Variants in CSDC2 observed in about 807,000 individuals in gnomAD.
CSDC2 encodes the protein cold shock domain-containing protein C2.
Under a neutral mutation model 15.8 loss-of-function variants are expected in CSDC2, and 8 were observed. The ratio of observed to expected loss-of-function variants is 0.51; its 90% CI spans 0.30 to 0.92. The LOEUF (loss-of-function observed/expected upper bound fraction) is 0.92. Ranked by LOEUF, CSDC2 falls within the 40% of genes least tolerant of loss-of-function variation. The pLI, the probability that CSDC2 is intolerant of heterozygous loss-of-function variation, is 0.07. For missense variants in CSDC2, 195 were observed against 213.3 expected (o/e 0.91, Z 0.53); for synonymous variants, 96 against 92.3 (o/e 1.04, Z -0.23).
At chr22:41,574,248 T>C (rs929562226) in intron 3 of CSDC2, among the ~76,000 whole-genome samples, 3 of 151,730 alleles carry the variant, frequency 2.0e-5, no homozygotes, top group Non-Finnish European at 4.4e-5. Flanking sequence ...AGGTACAGTT[T>C]ATGAGTCCCA....
intron 1 of CSDC2, among the ~76,000 whole-genome samples, chr22:41,561,775 C>G (rs1037259739): frequency 6.6e-6 from 1 of 152,206 alleles, no homozygotes; most frequent in African/African-American, 2.4e-5. Flanking sequence ...ACCCCGAGCC[C>G]TTGCTTCTTG....
Position 41,574,928 on chromosome 22 carries a change from T to C in CSDC2, c.*33T>C, listed in dbSNP as rs1000235345. 10 of 1,555,056 alleles carry C rather than the reference T, an allele frequency of 6.4e-6. No homozygotes were observed. The highest frequency in any genetic ancestry group is 1.2e-5 in the South Asian group (1 of 85,234). On this transcript the variant is annotated 3_prime_UTR_variant, in exon 4 of 4. Coordinates refer to ENST00000306149, the MANE Select transcript of CSDC2 (RefSeq NM_014460.4). ...GGTTCACAGGCCAGCTGGCCGGGGG[T>C]TGGGGAGCCACACAGGGTGAACGGG...
In CSDC2 at chr22:41,565,449, CAAAAAAAA is replaced by C. The variant is rs34460484; in HGVS notation, c.-124+4280_-124+4287del. Among the ~76,000 whole-genome samples, 8 of 57,486 alleles carry C rather than the reference CAAAAAAAA, an allele frequency of 1.4e-4. No individual in the cohort carries two copies. In the East Asian group the frequency reaches 4.6e-3, roughly 33 times the overall value. 37.7% of individuals were successfully genotyped at this position (57,486 alleles called of 152,430 possible). A position where few individuals can be genotyped will look rare whatever the true frequency, so the allele number is the denominator to read the frequency against. ...TGGGTGACGGAGTAAGATTCCATCTCAAAAAAAAAAAAAAAAAAAAAGAGGACTATGGC... is the reference window on the plus strand; with the variant it reads ...TGGGTGACGGAGTAAGATTCCATCTCAAAAAAAAAAAAAGAGGACTATGGC... On this transcript the variant is annotated intron_variant, in intron 1 of 3. Coordinates refer to ENST00000306149, the MANE Select transcript of CSDC2 (RefSeq NM_014460.4).
chr22:41,574,561 A>C (rs572948082), intron 3 of CSDC2, among the ~76,000 whole-genome samples, 172 bp from the exon 4 acceptor site: 1 of 152,320 alleles, frequency 6.6e-6, no homozygotes, highest in Non-Finnish European at 1.5e-5. Flanking sequence ...CACTGTGCCC[A>C]GCCATGAGTC....
chr22:41,564,095 A>C (rs2067101406), intron 1 of CSDC2, among the ~76,000 whole-genome samples: 1 of 149,888 alleles, frequency 6.7e-6, no homozygotes, highest in Non-Finnish European at 1.5e-5. Context: ...ATTAAAAAAA[A>C]AAAAAAAGAA....
At chr22:41,566,795 C>T (rs987774754) in intron 1 of CSDC2, among the ~76,000 whole-genome samples, 7 of 151,576 alleles carry the variant, frequency 4.6e-5, no homozygotes, top group East Asian at 1.9e-4. Context: ...TGCGTGGTGG[C>T]AGGCGCCTGT....
intron 1 of CSDC2, among the ~76,000 whole-genome samples, chr22:41,566,559 A>G (rs1289040258): frequency 6.9e-6 from 1 of 144,644 alleles, no homozygotes; most frequent in Non-Finnish European, 1.5e-5. Flanking sequence ...TGAACCTGGG[A>G]GGCAGAGGTT....
Position 41,566,453 on chromosome 22 carries a change from A to C in CSDC2, c.-124+5270A>C, listed in dbSNP as rs549202379. Among the ~76,000 whole-genome samples, 83 of 145,278 alleles carry C rather than the reference A, an allele frequency of 5.7e-4. 2 individuals are homozygous for C. The East Asian group carries it at 0.016, about 28-fold the overall frequency. On this transcript the variant is annotated intron_variant, in intron 1 of 3. Coordinates refer to ENST00000306149, the MANE Select transcript of CSDC2 (RefSeq NM_014460.4). ...GCAAGACTCCATCTAAAAAAAAAAA[A>C]AAAAAAAAAAAAAACACACAAAAAT...
Position 41,576,018 on chromosome 22 carries a change from G to A in CSDC2, c.*1123G>A, listed in dbSNP as rs1167997656. 2 of 152,410 alleles carry A rather than the reference G, an allele frequency of 1.3e-5. No individual in the cohort carries two copies. Among genetic ancestry groups the A allele is most frequent in the East Asian group, 3.9e-4 (2 of 5,174 alleles). The allele number at this position is 152,410 out of a possible 1,614,324, so 9.4% of individuals were successfully genotyped here. A position where few individuals can be genotyped will look rare whatever the true frequency, so the allele number is the denominator to read the frequency against. On this transcript the variant is annotated 3_prime_UTR_variant, in exon 4 of 4. Coordinates refer to ENST00000306149, the MANE Select transcript of CSDC2 (RefSeq NM_014460.4). ...GCCTGGCCCAGGAGGCCAGGAAGGA[G>A]GGCCCTGTCTGCCTCCACCTCTGGG...
intron 1 of CSDC2, among the ~76,000 whole-genome samples, chr22:41,566,305 G>C (rs552929711): frequency 1.9e-3 from 290 of 151,974 alleles, no homozygotes; most frequent in African/African-American, 6.8e-3. Context: ...TTAGCTGGGC[G>C]TGGTGGCACA....
Position 41,573,606 on chromosome 22 carries a change from G to A in CSDC2, c.177-49G>A, listed in dbSNP as rs1172900432. 10 of 1,576,760 alleles carry A rather than the reference G, an allele frequency of 6.3e-6. No homozygotes were observed. The South Asian group carries it at 1.1e-4, about 18-fold the overall frequency. On this transcript the variant is annotated intron_variant, in intron 2 of 3. Transcript: ENST00000306149. Reference sequence around the variant, plus strand: ...GGCCCAGAATGGCTGTAGGGATCCGGGGAGGAGTTCCTCAGGCCACAGCTC... The same window carrying A: ...GGCCCAGAATGGCTGTAGGGATCCGAGGAGGAGTTCCTCAGGCCACAGCTC...
chr22:41,566,992 G>C (rs917112469), intron 1 of CSDC2, among the ~76,000 whole-genome samples: 1 of 151,930 alleles, frequency 6.6e-6, no homozygotes, highest in South Asian at 2.1e-4. Context: ...TTAAACTCAG[G>C]CAGTCTGGGT....
chr22:41,564,639 T>G (rs2067104580), intron 1 of CSDC2, among the ~76,000 whole-genome samples: 1 of 152,188 alleles, frequency 6.6e-6, no homozygotes, highest in African/African-American at 2.4e-5. Flanking sequence ...GCCCCACGTT[T>G]GTTGTTCTGG....
At chr22:41,566,441 TAAAAAA>T (rs754976750) in intron 1 of CSDC2, among the ~76,000 whole-genome samples, 4 of 45,804 alleles carry the variant, frequency 8.7e-5, no homozygotes, top group African/African-American at 4.0e-4. Context: ...AGACTCCATC[TAAAAAA>T]AAAAAAAAAA....
intron 2 of CSDC2, 129 bp downstream of exon 2, chr22:41,572,270 G>A: frequency 1.4e-6 from 1 of 713,724 alleles, no homozygotes; most frequent in Non-Finnish European, 2.0e-6. Context: ...CCAGTAACTG[G>A]ATGGATGTTT....
chr22:41,563,617 C>A (rs1455851778), intron 1 of CSDC2, among the ~76,000 whole-genome samples: 2 of 152,194 alleles, frequency 1.3e-5, no homozygotes, highest in East Asian at 3.9e-4. Context: ...AATTCCACAC[C>A]CGACTCCTCC....
chr22:41,564,588 T>C (rs1325575232), intron 1 of CSDC2, among the ~76,000 whole-genome samples: 1 of 152,202 alleles, frequency 6.6e-6, no homozygotes, highest in Non-Finnish European at 1.5e-5. Context: ...AATCTGTTTC[T>C]GTTCCCCCCG....
At chr22:41,572,734 G>A (rs1665723771) in intron 2 of CSDC2, among the ~76,000 whole-genome samples, 1 of 152,180 alleles carries the variant, frequency 6.6e-6, no homozygotes, top group Non-Finnish European at 1.5e-5. Context: ...CTGGGCAGAT[G>A]GTACAGCATG....
intron 1 of CSDC2, among the ~76,000 whole-genome samples, chr22:41,568,285 C>A (rs1043134096): frequency 6.6e-6 from 1 of 151,788 alleles, no homozygotes; most frequent in East Asian, 1.9e-4. Flanking sequence ...CCACTACACC[C>A]AGCTAATTTT....
Sources: allele counts gnomAD v4.1 joint callset (sites outside exome capture counted in the v4.1 genomes callset), GRCh38; gene constraint gnomAD v4.1.1; transcripts MANE v1.5; gene names NCBI Gene and HGNC (gene_info 2026-07-23, HGNC 2026-07-21).